Variants in RIMS2 observed in about 807,000 individuals in gnomAD.
RIMS2 encodes regulating synaptic membrane exocytosis protein 2.
In RIMS2, 59 loss-of-function variants were observed where a neutral mutation model predicts 174.4. That is an observed-to-expected ratio of 0.34 (90% CI 0.27 to 0.42). RIMS2 has a LOEUF of 0.42. RIMS2 is among the 10% of genes least tolerant of loss of function. The pLI is 1.00. For synonymous variants in RIMS2, 606 were observed against 572.5 expected (o/e 1.06, Z -0.84); for missense variants, 1,620 against 1,666.3 (o/e 0.97, Z 0.48).
Position 103,767,602 on chromosome 8 carries a change from G to A in RIMS2, c.698+1065G>A, listed in dbSNP as rs73291828. 5.0e-3 allele frequency among the ~76,000 whole-genome samples: 764 copies of A among 152,312 alleles called. 8 individuals are homozygous for A. Among genetic ancestry groups the A allele is most frequent in the African/African-American group, 0.017 (725 of 41,568 alleles). On this transcript the variant is annotated intron_variant, in intron 3 of 23. Coordinates refer to ENST00000504942, the Ensembl canonical transcript of RIMS2. ...CTGTGTTGAATAAGTACAAAGTCAT[G>A]CATTCCTGCAGAAACAAATCTAAAT...
intron 3 of RIMS2, among the ~76,000 whole-genome samples, chr8:103,801,420 T>C (rs1398337475): frequency 6.6e-6 from 1 of 152,256 alleles, no homozygotes; most frequent in Non-Finnish European, 1.5e-5. Context: ...ATATTTATTC[T>C]AGGGTTGTCT....
chr8:104,239,472 C>T (rs917148642), intron 19 of RIMS2, among the ~76,000 whole-genome samples: 1 of 152,094 alleles, frequency 6.6e-6, no homozygotes, highest in East Asian at 1.9e-4. Context: ...ACAACAACAC[C>T]ATCTGGGCCT....
At chr8:103,841,441 C>T (rs1022148456) in intron 3 of RIMS2, among the ~76,000 whole-genome samples, 11 of 151,894 alleles carry the variant, frequency 7.2e-5, no homozygotes, top group Admixed American at 2.0e-4. Context: ...TTCTCTGTCT[C>T]GGTGTAAATG....
At chr8:104,066,924 A>G (rs2154561111) in intron 19 of RIMS2, among the ~76,000 whole-genome samples, 1 of 152,236 alleles carries the variant, frequency 6.6e-6, no homozygotes, top group Non-Finnish European at 1.5e-5. Flanking sequence ...TTTTCATTAA[A>G]CGATTTTCCT....
chr8:104,084,549 C>T (rs1233212010), intron 19 of RIMS2, among the ~76,000 whole-genome samples: 3 of 150,932 alleles, frequency 2.0e-5, no homozygotes, highest in African/African-American at 4.9e-5. Context: ...AATCTAGCAT[C>T]AAAGGACAAT....
chr8:103,703,309 C>T (rs1177921418), intron 2 of RIMS2, among the ~76,000 whole-genome samples: 2 of 152,118 alleles, frequency 1.3e-5, no homozygotes, highest in African/African-American at 4.8e-5. Flanking sequence ...ACAATCGTGG[C>T]TCACTGCAGC....
intron 13 of RIMS2, among the ~76,000 whole-genome samples, chr8:103,940,178 A>G (rs534317664): frequency 3.5e-4 from 53 of 152,244 alleles, no homozygotes; most frequent in African/African-American, 1.2e-3. Flanking sequence ...CATTCTTGAG[A>G]CTGGGAAGAA....
chr8:103,768,466 C>T (rs548360419), intron 3 of RIMS2: 2 of 795,096 alleles, frequency 2.5e-6, no homozygotes, highest in Admixed American at 1.7e-5. Flanking sequence ...AATGGTTCCC[C>T]ATGAAGAGGG....
chr8:103,566,920 A>G (rs2092403057), intron 1 of RIMS2, among the ~76,000 whole-genome samples: 2 of 152,174 alleles, frequency 1.3e-5, no homozygotes, highest in African/African-American at 4.8e-5. Flanking sequence ...AACTATAACC[A>G]TAGTCTAATT....
At chr8:104,154,067 A>G (rs2134227509) in intron 19 of RIMS2, among the ~76,000 whole-genome samples, 1 of 152,354 alleles carries the variant, frequency 6.6e-6, no homozygotes, top group Admixed American at 6.5e-5. Context: ...AGCACTTATT[A>G]TGTGCTAGTC....
chr8:104,071,724 C>T (rs1158942980), intron 19 of RIMS2, among the ~76,000 whole-genome samples: 2 of 152,138 alleles, frequency 1.3e-5, no homozygotes, highest in Non-Finnish European at 2.9e-5. Flanking sequence ...GCATGAGCCA[C>T]CACGCCCGGC....
intron 1 of RIMS2, among the ~76,000 whole-genome samples, chr8:103,647,719 T>C (rs559698783): frequency 7.9e-5 from 12 of 152,196 alleles, no homozygotes; most frequent in East Asian, 7.7e-4. Context: ...TAGAGGTGTT[T>C]ATAGTATTCT....
chr8:103,606,660 A>C (rs1241769213), intron 1 of RIMS2, among the ~76,000 whole-genome samples: 1 of 152,102 alleles, frequency 6.6e-6, no homozygotes, highest in Non-Finnish European at 1.5e-5. Flanking sequence ...GTCACTCAGG[A>C]CTTGCTCTAT....
At chr8:103,732,567 A>G (rs1038538996) in intron 2 of RIMS2, among the ~76,000 whole-genome samples, 10 of 152,040 alleles carry the variant, frequency 6.6e-5, no homozygotes, top group African/African-American at 2.4e-4. Context: ...GTGGGTCCAG[A>G]GATATCATCT....
At chr8:103,586,026 G>T (rs994616440) in intron 1 of RIMS2, among the ~76,000 whole-genome samples, 5 of 151,514 alleles carry the variant, frequency 3.3e-5, no homozygotes, top group Non-Finnish European at 2.9e-5. Flanking sequence ...GATAAAAGGG[G>T]TTAATTCAGA....
intron 19 of RIMS2, among the ~76,000 whole-genome samples, chr8:104,059,496 A>C (rs1401834531): frequency 1.3e-5 from 2 of 150,208 alleles, no homozygotes; most frequent in African/African-American, 4.9e-5. Flanking sequence ...TTCTAGATAT[A>C]CAATCATGTC....
rs773996466 is a variant in RIMS2, at chr8:103,750,363, C to T, written c.388-15864C>T. 2.6e-5 allele frequency among the ~76,000 whole-genome samples: 4 copies of T among 152,068 alleles called. No homozygotes were observed. The South Asian group carries it at 8.3e-4, about 31-fold the overall frequency. ...TAAATACAAATATACTATCAGTTGA[C>T]AGTTTTCTTTTCCATTATATAGAAG... is the stretch of plus-strand genomic sequence containing the variant. On this transcript the variant is annotated intron_variant, in intron 2 of 23. Coordinates refer to ENST00000504942, the Ensembl canonical transcript of RIMS2.
intron 1 of RIMS2, among the ~76,000 whole-genome samples, chr8:103,542,665 C>T (rs1248829733): frequency 6.6e-6 from 1 of 152,068 alleles, no homozygotes; most frequent in Non-Finnish European, 1.5e-5. Context: ...ATTAAATGGA[C>T]CATCCACCAT....
At chr8:104,192,010 T>C (rs2099000346) in intron 19 of RIMS2, among the ~76,000 whole-genome samples, 1 of 152,162 alleles carries the variant, frequency 6.6e-6, no homozygotes, top group African/African-American at 2.4e-5. Flanking sequence ...GAATTAAGCC[T>C]AATGAAAATT....
Sources: gnomAD v4.1 joint callset for allele counts (sites outside exome capture counted in the v4.1 genomes callset) on GRCh38, gnomAD v4.1.1 for gene constraint, MANE v1.5 for transcripts, NCBI Gene and HGNC (gene_info 2026-07-23, HGNC 2026-07-21) for gene names.